THSD4: variants seen among roughly 807,000 people sequenced by gnomAD.
THSD4 encodes thrombospondin type-1 domain-containing protein 4.
THSD4 carries 69 observed loss-of-function variants against 119.0 expected under a neutral mutation model. The ratio of observed to expected loss-of-function variants is 0.58; its 90% CI spans 0.48 to 0.71. The LOEUF (loss-of-function observed/expected upper bound fraction) is 0.71. Ranked by LOEUF, THSD4 falls within the 30% of genes least tolerant of loss-of-function variation. THSD4 has a pLI of 0.00. For synonymous variants in THSD4, 524 were observed against 540.4 expected, an observed-to-expected ratio of 0.97 and a Z score of 0.42; for missense variants, 1,393 against 1,391.1, an observed-to-expected ratio of 1.00 and a Z score of -0.02.
chr15:71,632,001 G>A (rs2050639031), intron 7 of THSD4, among the ~76,000 whole-genome samples: 1 of 152,186 alleles, frequency 6.6e-6, no homozygotes, highest in South Asian at 2.1e-4. Flanking sequence ...AAAGAACTAA[G>A]CTACTTGACC....
rs1038753175 is a variant in THSD4, at chr15:71,448,920, G to A, written c.1152+37097G>A. ...CCAGGCATGGCTGGGTGAATAGATT[G>A]GTCAAAGGAGAAGTGGTGAAAACTG... On this transcript the variant is annotated intron_variant, in intron 7 of 17. Coordinates refer to ENST00000261862, the MANE Select transcript of THSD4 (RefSeq NM_024817.3). Among the ~76,000 whole-genome samples, 5 of 152,280 alleles carry A rather than the reference G, an allele frequency of 3.3e-5. No individual in the cohort carries two copies. The East Asian group carries it at 5.8e-4, about 18-fold the overall frequency.
At position 71,777,462 on chromosome 15, in the gene THSD4, G is replaced by T; in HGVS notation, c.*88G>T. On this transcript the variant is annotated 3_prime_UTR_variant, in exon 18 of 18. Transcript: ENST00000261862. ...CTGGCTGGCTGCTGCTCCACCACGG[G>T]CCCCCTGGCCCAGGCGCTGCCAACC... 1.3e-6 allele frequency: 2 copies of T among 1,506,486 alleles called. No individual in the cohort carries two copies. The highest frequency in any genetic ancestry group is 1.8e-6 in the Non-Finnish European group (2 of 1,128,282). 93.3% of individuals were successfully genotyped at this position (1,506,486 alleles called of 1,614,324 possible). A position where few individuals can be genotyped will look rare whatever the true frequency, so the allele number is the denominator to read the frequency against.
chr15:71,376,378 A>T (rs537487886), intron 6 of THSD4, among the ~76,000 whole-genome samples: 1 of 152,248 alleles, frequency 6.6e-6, no homozygotes, highest in East Asian at 1.9e-4. Flanking sequence ...TGTTCTTACC[A>T]TGATTGAGTC....
intron 6 of THSD4, among the ~76,000 whole-genome samples, chr15:71,294,409 T>C (rs2044833697): frequency 6.6e-6 from 1 of 152,174 alleles, no homozygotes; most frequent in African/African-American, 2.4e-5. Flanking sequence ...GGTCCCTTCT[T>C]ACCTTCGCCC....
At chr15:71,618,511 G>A (rs967929296) in intron 7 of THSD4, among the ~76,000 whole-genome samples, 7 of 152,160 alleles carry the variant, frequency 4.6e-5, no homozygotes, top group African/African-American at 1.4e-4. Context: ...GATATACCCC[G>A]GCATCACAGG....
At chr15:71,387,466 G>A (rs1272754550) in intron 6 of THSD4, among the ~76,000 whole-genome samples, 2 of 152,018 alleles carry the variant, frequency 1.3e-5, no homozygotes, top group Non-Finnish European at 2.9e-5. Context: ...TTCCTAATAT[G>A]TATAAACAAA....
In THSD4 at chr15:71,749,479, T is replaced by C. The variant is rs2053403293; in HGVS notation, c.2415+885T>C. ...GATTCTCTAGGAGATCTAGGGAGTT[T>C]ACCTGGGATGAGGACATGATTGGCT... is the stretch of plus-strand genomic sequence containing the variant. On this transcript the variant is annotated intron_variant, in intron 14 of 17. Coordinates refer to ENST00000261862, the MANE Select transcript of THSD4 (RefSeq NM_024817.3). Among the ~76,000 whole-genome samples, 3 of 152,062 alleles carry C rather than the reference T, an allele frequency of 2.0e-5. No individual in the cohort carries two copies. The South Asian group carries it at 6.2e-4, about 32-fold the overall frequency.
At chr15:71,379,450 C>CTT (rs34326932) in intron 6 of THSD4, among the ~76,000 whole-genome samples, 848 of 77,588 alleles carry the variant, frequency 0.011, 134 homozygotes, top group African/African-American at 0.034. Context: ...CAAATGGCTT[C>CTT]TTTTTTTTTT....
chr15:71,458,331 G>A (rs572886807), intron 7 of THSD4, among the ~76,000 whole-genome samples: 15 of 152,236 alleles, frequency 9.9e-5, no homozygotes, highest in African/African-American at 3.6e-4. Context: ...CTGGGATTTG[G>A]AGCCAAAGGT....
At chr15:71,524,106 T>C (rs1197970275) in intron 7 of THSD4, among the ~76,000 whole-genome samples, 1 of 152,232 alleles carries the variant, frequency 6.6e-6, no homozygotes, top group Non-Finnish European at 1.5e-5. Flanking sequence ...TGAAAAATAC[T>C]GCTCGATGGC....
At position 71,715,718 on chromosome 15, in the gene THSD4, G is replaced by A. The variant is rs79775250; in HGVS notation, c.1358-12831G>A. Reference sequence around the variant, plus strand: ...AGAACAACCCTTCCACTTATTCCCCGACGTCATCGCAATTTAGTCGCAGAT... The same window carrying A: ...AGAACAACCCTTCCACTTATTCCCCAACGTCATCGCAATTTAGTCGCAGAT... On this transcript the variant is annotated intron_variant, in intron 8 of 17. Coordinates refer to ENST00000261862, the MANE Select transcript of THSD4 (RefSeq NM_024817.3). 1.5e-3 allele frequency among the ~76,000 whole-genome samples: 220 copies of A among 151,208 alleles called. 1 individual carries two copies. Among genetic ancestry groups the A allele is most frequent in the African/African-American group, 5.0e-3 (206 of 41,184 alleles).
At chr15:71,172,917 T>A (rs1003044431) in intron 3 of THSD4, among the ~76,000 whole-genome samples, 1 of 151,168 alleles carries the variant, frequency 6.6e-6, no homozygotes, top group Non-Finnish European at 1.5e-5. Flanking sequence ...AAAGACCATA[T>A]AAGAAAAACC....
intron 7 of THSD4, among the ~76,000 whole-genome samples, chr15:71,482,688 C>G (rs560963168): frequency 1.3e-5 from 2 of 151,990 alleles, no homozygotes; most frequent in Admixed American, 1.3e-4. Flanking sequence ...CAAGTTCAAG[C>G]GATTCTCTTG....
At chr15:71,340,285 A>G (rs751541210) in intron 6 of THSD4, among the ~76,000 whole-genome samples, 59 of 152,174 alleles carry the variant, frequency 3.9e-4, no homozygotes, top group Non-Finnish European at 7.1e-4. Flanking sequence ...CATTTCATAG[A>G]TGAGGAACCC....
At chr15:71,387,343 AATG>A (rs1233307753) in intron 6 of THSD4, among the ~76,000 whole-genome samples, 2 of 152,188 alleles carry the variant, frequency 1.3e-5, no homozygotes, top group Non-Finnish European at 2.9e-5. Context: ...CTCCAAACCA[AATG>A]GTACCCAAGA....
chr15:71,171,818 G>T (rs1025170767), intron 3 of THSD4, among the ~76,000 whole-genome samples: 2 of 152,098 alleles, frequency 1.3e-5, no homozygotes, highest in Non-Finnish European at 2.9e-5. Context: ...AATTAAAGAA[G>T]TCATAAATAA....
At chr15:71,564,693 A>ATT (rs1252444339) in intron 7 of THSD4, among the ~76,000 whole-genome samples, 207 of 17,924 alleles carry the variant, frequency 0.012, 15 homozygotes, top group Non-Finnish European at 0.021. Flanking sequence ...TACAATATAT[A>ATT]GTATAACATA....
chr15:71,427,670 G>T (rs181676955), intron 7 of THSD4, among the ~76,000 whole-genome samples: 53 of 150,152 alleles, frequency 3.5e-4, no homozygotes, highest in Admixed American at 2.9e-3. Flanking sequence ...CCTGCTCTCT[G>T]CCCTGAGTTA....
intron 8 of THSD4, among the ~76,000 whole-genome samples, chr15:71,666,315 G>A (rs1377695480): frequency 1.3e-5 from 2 of 151,924 alleles, no homozygotes; most frequent in Admixed American, 6.6e-5. Context: ...AGCATCCCTA[G>A]GATTCTCTTT....
Sources: gnomAD v4.1 joint callset for allele counts (sites outside exome capture counted in the v4.1 genomes callset) on GRCh38, gnomAD v4.1.1 for gene constraint, MANE v1.5 for transcripts, NCBI Gene and HGNC (gene_info 2026-07-23, HGNC 2026-07-21) for gene names.